The following CFAP96 variants were observed in gnomAD, a reference collection of about 807,000 sequenced individuals.
CFAP96 encodes cilia-and flagella-associated protein 96.
At chr4:185,443,122 G>T in the CFAP96 span, among the ~76,000 whole-genome samples, 1 of 151,658 alleles carries the variant, frequency 6.6e-6, no homozygotes, top group Non-Finnish European at 1.5e-5. Context: ...AGACTTGAAA[G>T]AATTCACAGT....
the CFAP96 span, chr4:185,436,119 G>A: frequency 1.3e-6 from 2 of 1,551,178 alleles, no homozygotes; most frequent in Non-Finnish European, 1.7e-6. Context: ...AAAACCTCGA[G>A]AAAAATACAA....
chr4:185,436,052 C>CA, the CFAP96 span: 1 of 1,540,082 alleles, frequency 6.5e-7, no homozygotes, highest in East Asian at 2.4e-5. Context: ...TAAGATGTGG[C>CA]TTAGGAAGCT....
the CFAP96 span, among the ~76,000 whole-genome samples, chr4:185,431,333 C>G: frequency 6.6e-6 from 1 of 152,086 alleles, no homozygotes; most frequent in Non-Finnish European, 1.5e-5. Flanking sequence ...TAGAGCTCTC[C>G]TAGATCTAAA....
At chr4:185,415,859 T>C in the CFAP96 span, 1 of 1,612,102 alleles carries the variant, frequency 6.2e-7, no homozygotes, top group South Asian at 1.1e-5. Context: ...CTATATTTAC[T>C]ATTTGATGCT....
the CFAP96 span, among the ~76,000 whole-genome samples, chr4:185,443,340 ATATTTTT>A: frequency 1.1e-4 from 3 of 28,478 alleles, no homozygotes; most frequent in South Asian, 1.8e-3. Context: ...ATATATATAT[ATATTTTT>A]TTTTTTTTTT....
At chr4:185,418,873 T>A in the CFAP96 span, 1 of 832,012 alleles carries the variant, frequency 1.2e-6, no homozygotes, top group Non-Finnish European at 1.7e-6. Flanking sequence ...TCTCAATACC[T>A]ATTCCCCATA....
chr4:185,421,190 G>A, the CFAP96 span, among the ~76,000 whole-genome samples: 9 of 152,200 alleles, frequency 5.9e-5, no homozygotes, highest in Non-Finnish European at 1.3e-4. Context: ...GGATTCAAAT[G>A]TGGACCAAAA....
the CFAP96 span, chr4:185,444,859 A>C: frequency 9.0e-7 from 1 of 1,105,782 alleles, no homozygotes; most frequent in Non-Finnish European, 1.3e-6. Flanking sequence ...ATTTTCTTTA[A>C]AACCAACTCC....
the CFAP96 span, chr4:185,425,721 G>A: frequency 7.9e-7 from 1 of 1,266,348 alleles, no homozygotes; most frequent in African/African-American, 1.5e-5. Flanking sequence ...AGGCGAACTG[G>A]AGAGCCGCCC....
the CFAP96 span, chr4:185,429,572 A>G: frequency 2.2e-6 from 2 of 906,642 alleles, no homozygotes; most frequent in Non-Finnish European, 3.3e-6. Flanking sequence ...AAAATTTAGA[A>G]TTTAATATTT....
chr4:185,443,739 T>C, the CFAP96 span, among the ~76,000 whole-genome samples: 129,694 of 151,734 alleles, frequency 0.85, 56,202 homozygotes, highest in East Asian at 0.99. Context: ...TATGAACTTA[T>C]TTTTTAAAGC....
At chr4:185,426,173 T>A in the CFAP96 span, 1 of 455,642 alleles carries the variant, frequency 2.2e-6, no homozygotes, top group Non-Finnish European at 4.0e-6. Context: ...CCTCGTATCC[T>A]CCCACAGCGT....
At chr4:185,414,339 T>G in the CFAP96 span, among the ~76,000 whole-genome samples, 1 of 152,228 alleles carries the variant, frequency 6.6e-6, no homozygotes, top group Non-Finnish European at 1.5e-5. Context: ...GTTAGTGGTC[T>G]AAAGCCAACC....
chr4:185,429,728 G>T, the CFAP96 span, among the ~76,000 whole-genome samples: 1 of 152,114 alleles, frequency 6.6e-6, no homozygotes, highest in African/African-American at 2.4e-5. Flanking sequence ...GAGTGCCAGT[G>T]GCCTGATTAT....
At chr4:185,413,776 T>C in the CFAP96 span, 1 of 1,613,634 alleles carries the variant, frequency 6.2e-7, no homozygotes. Flanking sequence ...GGATTTCTAA[T>C]GTAACCATCT....
the CFAP96 span, among the ~76,000 whole-genome samples, chr4:185,418,163 A>T: frequency 6.6e-6 from 1 of 152,068 alleles, no homozygotes; most frequent in Non-Finnish European, 1.5e-5. Flanking sequence ...TCAGAATGCG[A>T]TTTAATTTAA....
chr4:185,420,671 A>G, the CFAP96 span, among the ~76,000 whole-genome samples: 25 of 152,206 alleles, frequency 1.6e-4, no homozygotes, highest in Non-Finnish European at 5.9e-5. Flanking sequence ...TAATTCTTAA[A>G]TTAGCTTCTG....
At chr4:185,437,246 A>G in the CFAP96 span, among the ~76,000 whole-genome samples, 2 of 152,238 alleles carry the variant, frequency 1.3e-5, no homozygotes, top group African/African-American at 4.8e-5. Context: ...GTGCTAGCAT[A>G]TGCCTCTTAC....
chr4:185,433,480 G>A, the CFAP96 span, among the ~76,000 whole-genome samples: 2 of 151,444 alleles, frequency 1.3e-5, no homozygotes, highest in African/African-American at 4.9e-5. Context: ...TTTGATAGAT[G>A]ATAACCGAAG....
Sources: allele counts gnomAD v4.1 joint callset (sites outside exome capture counted in the v4.1 genomes callset), GRCh38; gene constraint gnomAD v4.1.1; transcripts MANE v1.5; gene names NCBI Gene and HGNC (gene_info 2026-07-23, HGNC 2026-07-21).